Variants in DYNLL2 observed in about 807,000 individuals in gnomAD.
The protein encoded by DYNLL2 is dynein light chain 2, cytoplasmic.
A neutral mutation model predicts 9.7 loss-of-function variants in DYNLL2; 1 was observed. The ratio of observed to expected loss-of-function variants is 0.10; its 90% CI spans 0.04 to 0.49. The LOEUF (loss-of-function observed/expected upper bound fraction) is 0.49, where lower values mean the gene tolerates loss of function less well. Among genes scored for constraint, DYNLL2 ranks in the 20% least tolerant of loss-of-function variants. The pLI, the probability that DYNLL2 is intolerant of heterozygous loss-of-function variation, is 0.95. For missense variants in DYNLL2, 37 were observed against 115.2 expected (o/e 0.32, Z 3.11); for synonymous variants, 35 against 40.5 (o/e 0.86, Z 0.52).
chr17:58,089,267 C>T lies in DYNLL2; in HGVS notation c.258C>T (p.Phe86=). ...FYLGQVAILL[F]KSG ...TGGGTCAAGTTGCAATCCTCCTCTT[C>T]AAGTCAGGCTAGGTGGCCATGGTGA... Residue 86 remains phenylalanine (F), a synonymous_variant, in exon 3 of 3, where the codon TTC becomes TTT. Transcript: ENST00000579991. 1 of 1,613,964 alleles carries T rather than the reference C, an allele frequency of 6.2e-7. No individual in the cohort carries two copies. Among genetic ancestry groups the T allele is most frequent in the Non-Finnish European group, 8.5e-7 (1 of 1,179,950 alleles).
Position 58,092,442 on chromosome 17 carries a change from T to A in DYNLL2, c.*3163T>A, listed in dbSNP as rs1357565730. 1 of 152,232 alleles carries A rather than the reference T, an allele frequency of 6.6e-6. No individual in the cohort carries two copies. The highest frequency in any genetic ancestry group is 2.4e-5 in the African/African-American group (1 of 41,434). The allele number at this position is 152,232 out of a possible 1,614,324, so 9.4% of individuals were successfully genotyped here. A position where few individuals can be genotyped will look rare whatever the true frequency, so the allele number is the denominator to read the frequency against. ...CTTCCTGGAGGAGATGAGCCTCCAC[T>A]TTTCGGGGCCCAGGATGGGAAAGTA... On this transcript the variant is annotated 3_prime_UTR_variant, in exon 3 of 3. Coordinates refer to ENST00000579991, the MANE Select transcript of DYNLL2 (RefSeq NM_080677.3).
At chr17:58,084,856 G>C (rs896866545) in intron 1 of DYNLL2, among the ~76,000 whole-genome samples, 2 of 150,418 alleles carry the variant, frequency 1.3e-5, no homozygotes, top group Admixed American at 1.3e-4. Flanking sequence ...CCCCTTCTGA[G>C]TGGTAACCTG....
intron 2 of DYNLL2, 56 bp from the exon 3 acceptor site, chr17:58,089,086 T>A (rs1453594154): frequency 6.2e-7 from 1 of 1,604,652 alleles, no homozygotes; most frequent in Admixed American, 1.7e-5. Context: ...CCATTCTGAT[T>A]TCTCCTTCTC....
rs1419432077 is a variant in DYNLL2 at position 58,090,488 on chromosome 17, C to G, written c.*1209C>G. On this transcript the variant is annotated 3_prime_UTR_variant, in exon 3 of 3. Transcript: ENST00000579991. ...CCTGGGAAGGCTTTAGGAGGACCAC[C>G]CAGGACAGGATGACCATGCTGCCAT... 2 of 152,126 alleles carry G rather than the reference C, an allele frequency of 1.3e-5. No homozygotes were observed. Among genetic ancestry groups the G allele is most frequent in the South Asian group, 2.1e-4 (1 of 4,816 alleles). 9.4% of individuals were successfully genotyped at this position (152,126 alleles called of 1,614,324 possible).
rs1282029837 is a variant in DYNLL2, at chr17:58,091,539, A to G, written c.*2260A>G. 1 of 152,180 alleles carries G rather than the reference A, an allele frequency of 6.6e-6. No homozygotes were observed. The highest frequency in any genetic ancestry group is 1.5e-5 in the Non-Finnish European group (1 of 68,074). The allele number at this position is 152,180 out of a possible 1,614,324, so 9.4% of individuals were successfully genotyped here. Reference sequence around the variant, plus strand: ...GCTACCTTCCCAGCTGCCGTCATGGACCTGCCTGAGCTTTGCTGCTTCAAC... The same window carrying G: ...GCTACCTTCCCAGCTGCCGTCATGGGCCTGCCTGAGCTTTGCTGCTTCAAC... On this transcript the variant is annotated 3_prime_UTR_variant, in exon 3 of 3. Transcript: ENST00000579991.
rs1014766893 is a variant in DYNLL2, at chr17:58,089,410, T to C, written c.*131T>C. 1.1e-5 allele frequency: 13 copies of C among 1,211,238 alleles called. No individual in the cohort carries two copies. The highest frequency in any genetic ancestry group is 1.5e-5 in the Non-Finnish European group (13 of 878,444). 75.0% of individuals were successfully genotyped at this position (1,211,238 alleles called of 1,614,324 possible). A position where few individuals can be genotyped will look rare whatever the true frequency, so the allele number is the denominator to read the frequency against. Reference sequence around the variant, plus strand: ...CTGTGCTACTGCATGGACTGTATACTCGATTTCATGTGTATGTCGCAGTAA... The same window carrying C: ...CTGTGCTACTGCATGGACTGTATACCCGATTTCATGTGTATGTCGCAGTAA... On this transcript the variant is annotated 3_prime_UTR_variant, in exon 3 of 3. Coordinates refer to ENST00000579991, the MANE Select transcript of DYNLL2 (RefSeq NM_080677.3).
chr17:58,084,136 T>G (rs1598086976), intron 1 of DYNLL2, among the ~76,000 whole-genome samples: 3 of 143,166 alleles, frequency 2.1e-5, no homozygotes, highest in Non-Finnish European at 3.1e-5. Context: ...CCAGGCCGGG[T>G]GGGGGAGGGC....
At chr17:58,085,462 G>A (rs1166172854) in intron 1 of DYNLL2, among the ~76,000 whole-genome samples, 1 of 152,190 alleles carries the variant, frequency 6.6e-6, no homozygotes, top group Non-Finnish European at 1.5e-5. Context: ...GATAGAGCTG[G>A]AATGACAGCA....
At chr17:58,084,518 C>T (rs1054808651) in intron 1 of DYNLL2, among the ~76,000 whole-genome samples, 1 of 152,114 alleles carries the variant, frequency 6.6e-6, no homozygotes, top group Admixed American at 6.5e-5. Flanking sequence ...GCCCAGGTCC[C>T]TTGCTTTTTC....
chr17:58,090,665 A>C lies in DYNLL2; in HGVS notation c.*1386A>C, dbSNP rs987946644. ...TCTTGCAGTGGTGAAGCCAGGACATAGGAGATGGAGCAGGGCTGTGAGAGG... is the reference window on the plus strand; with the variant it reads ...TCTTGCAGTGGTGAAGCCAGGACATCGGAGATGGAGCAGGGCTGTGAGAGG... On this transcript the variant is annotated 3_prime_UTR_variant, in exon 3 of 3. Transcript: ENST00000579991. The C allele has an allele frequency of 1.4e-5, 2 of 146,940 alleles. No individual in the cohort carries two copies. Among genetic ancestry groups the C allele is most frequent in the South Asian group, 4.5e-4 (2 of 4,404 alleles). 9.1% of individuals were successfully genotyped at this position (146,940 alleles called of 1,614,324 possible). A position where few individuals can be genotyped will look rare whatever the true frequency, so the allele number is the denominator to read the frequency against.
chr17:58,090,308 T>C lies in DYNLL2; in HGVS notation c.*1029T>C, dbSNP rs1408046452. On this transcript the variant is annotated 3_prime_UTR_variant, in exon 3 of 3. Transcript: ENST00000579991. ...GGAGGGGGCAGGACAGTGTGGAATC[T>C]CTAGGGTGTATGGGTAGGTAGGGGG... 5.9e-6 allele frequency: 1 copy of C among 169,646 alleles called. No individual in the cohort carries two copies. Among genetic ancestry groups the C allele is most frequent in the Non-Finnish European group, 1.2e-5 (1 of 80,110 alleles). 10.5% of individuals were successfully genotyped at this position (169,646 alleles called of 1,614,324 possible).
In DYNLL2 at chr17:58,083,425, A is replaced by AGAGCG. The variant is rs963732922; in HGVS notation, c.-258_-254dup. 2.5e-5 allele frequency: 3 copies of AGAGCG among 120,900 alleles called. No homozygotes were observed. Among genetic ancestry groups the AGAGCG allele is most frequent in the Admixed American group, 9.2e-5 (1 of 10,902 alleles). 7.5% of individuals were successfully genotyped at this position (120,900 alleles called of 1,614,324 possible). The stretch of plus-strand genomic sequence containing the variant: ...CCGCGCGTCGGCCGCGCTCAGCGGC[A>AGAGCG]GAGCGGAGCGGAGCTGTGAGGCGCC... On this transcript the variant is annotated 5_prime_UTR_variant, in exon 1 of 3. Coordinates refer to ENST00000579991, the MANE Select transcript of DYNLL2 (RefSeq NM_080677.3).
intron 1 of DYNLL2, among the ~76,000 whole-genome samples, chr17:58,084,407 G>A (rs1343561579): frequency 1.3e-5 from 2 of 152,176 alleles, no homozygotes; most frequent in Admixed American, 1.3e-4. Context: ...ATAGAGGATG[G>A]GAGCTGTCCT....
At chr17:58,088,316 G>A (rs2075768116) in intron 2 of DYNLL2, among the ~76,000 whole-genome samples, 1 of 152,224 alleles carries the variant, frequency 6.6e-6, no homozygotes, top group Non-Finnish European at 1.5e-5. Flanking sequence ...TTGGAGAGTT[G>A]TGTGGTATCG....
Position 58,090,129 on chromosome 17 carries a change from T to G in DYNLL2, c.*850T>G. The G allele has an allele frequency of 2.6e-6, 1 of 388,478 alleles. No homozygotes were observed. The highest frequency in any genetic ancestry group is 4.5e-6 in the Non-Finnish European group (1 of 220,256). The allele number at this position is 388,478 out of a possible 1,614,324, so 24.1% of individuals were successfully genotyped here. A position where few individuals can be genotyped will look rare whatever the true frequency, so the allele number is the denominator to read the frequency against. Reference sequence around the variant, plus strand: ...CTCTTAGAGCAGCCCCTGTTGTTAGTTGGCTGGCAAGGGAATTTCTGGTGA... The same window carrying G: ...CTCTTAGAGCAGCCCCTGTTGTTAGGTGGCTGGCAAGGGAATTTCTGGTGA... On this transcript the variant is annotated 3_prime_UTR_variant, in exon 3 of 3. Coordinates refer to ENST00000579991, the MANE Select transcript of DYNLL2 (RefSeq NM_080677.3).
intron 1 of DYNLL2, among the ~76,000 whole-genome samples, 196 bp from the exon 2 acceptor site, chr17:58,086,886 G>A (rs1009203634): frequency 5.9e-5 from 9 of 152,068 alleles, no homozygotes; most frequent in Non-Finnish European, 1.2e-4. Context: ...ATGTCCTATT[G>A]GCCCTGTATT....
At chr17:58,084,620 C>T (rs1030412242) in intron 1 of DYNLL2, among the ~76,000 whole-genome samples, 4 of 152,178 alleles carry the variant, frequency 2.6e-5, no homozygotes, top group African/African-American at 9.7e-5. Flanking sequence ...TCACCTCTCT[C>T]AGATGCCTGG....
Position 58,094,123 on chromosome 17 carries a change from C to G in DYNLL2, c.*4844C>G, listed in dbSNP as rs1320098867. 6.6e-6 allele frequency: 1 copy of G among 152,136 alleles called. No homozygotes were observed. The highest frequency in any genetic ancestry group is 2.1e-4 in the South Asian group (1 of 4,826). 9.4% of individuals were successfully genotyped at this position (152,136 alleles called of 1,614,324 possible). On this transcript the variant is annotated 3_prime_UTR_variant, in exon 3 of 3. Coordinates refer to ENST00000579991, the MANE Select transcript of DYNLL2 (RefSeq NM_080677.3). ...GCTTTCTAGAGAGAATGCAAACATG[C>G]AAAAACAGTGTGGTAGTGTAGGCAG...
intron 1 of DYNLL2, among the ~76,000 whole-genome samples, chr17:58,085,738 G>A (rs1405104228): frequency 6.6e-6 from 1 of 152,124 alleles, no homozygotes; most frequent in Non-Finnish European, 1.5e-5. Flanking sequence ...TATGAAACAA[G>A]GCTATTAAAA....
Sources: allele counts gnomAD v4.1 joint callset (sites outside exome capture counted in the v4.1 genomes callset), GRCh38; gene constraint gnomAD v4.1.1; transcripts MANE v1.5; gene names NCBI Gene and HGNC (gene_info 2026-07-23, HGNC 2026-07-21).